OPCML: variants seen among roughly 807,000 people sequenced by gnomAD.
OPCML encodes the protein opioid-binding protein/cell adhesion molecule.
OPCML carries 13 observed loss-of-function variants against 37.8 expected under a neutral mutation model. That is an observed-to-expected ratio of 0.34 (90% confidence interval 0.22 to 0.55). The LOEUF (loss-of-function observed/expected upper bound fraction) is 0.55. Ranked by LOEUF, OPCML falls within the 20% of genes least tolerant of loss-of-function variation. The probability of loss-of-function intolerance (pLI) is 0.91; values close to 1 mark genes in which losing one functional copy is unlikely to be tolerated. For synonymous variants in OPCML, 176 were observed against 168.8 expected (o/e 1.04, Z -0.33); for missense variants, 341 against 435.6 (o/e 0.78, Z 1.93).
Position 132,506,658 on chromosome 11 carries a change from G to C in OPCML, c.505+22403C>G, listed in dbSNP as rs138325306. ...GAGGAAGTGAGGAAACATTTACTCA[G>C]CTTGAATAATAAGACTCACACAGGC... is the stretch of plus-strand genomic sequence containing the variant. On this transcript the variant is annotated intron_variant, in intron 4 of 7. Transcript: ENST00000524381. 3.2e-3 allele frequency among the ~76,000 whole-genome samples: 490 copies of C among 152,194 alleles called. 5 individuals carry two copies. Among genetic ancestry groups the C allele is most frequent in the Admixed American group, 0.027 (407 of 15,272 alleles).
intron 2 of OPCML, among the ~76,000 whole-genome samples, chr11:132,717,997 A>G (rs1944551003): frequency 6.6e-6 from 1 of 152,234 alleles, no homozygotes. Context: ...CACAGGGTGC[A>G]GGAAACCTCC....
chr11:132,952,405 C>A (rs1945879711), intron 1 of OPCML, among the ~76,000 whole-genome samples: 1 of 152,156 alleles, frequency 6.6e-6, no homozygotes, highest in Non-Finnish European at 1.5e-5. Context: ...AAACCAATCC[C>A]TATATGATAG....
chr11:133,134,665 C>T (rs1247522174), intron 1 of OPCML, among the ~76,000 whole-genome samples: 1 of 152,182 alleles, frequency 6.6e-6, no homozygotes, highest in Non-Finnish European at 1.5e-5. Context: ...CCGCTGTCTT[C>T]CTTGCTCCAA....
chr11:133,166,933 G>T (rs1318862797), intron 1 of OPCML, among the ~76,000 whole-genome samples: 1 of 152,122 alleles, frequency 6.6e-6, no homozygotes, highest in African/African-American at 2.4e-5. Context: ...TGTGATTAAT[G>T]GCAAATAGGC....
At position 132,561,753 on chromosome 11, in the gene OPCML, A is replaced by C. The variant is rs568397420; in HGVS notation, c.380-32567T>G. 5.0e-4 allele frequency among the ~76,000 whole-genome samples: 76 copies of C among 152,384 alleles called. 1 individual carries two copies. The highest frequency in any genetic ancestry group is 1.8e-3 in the African/African-American group (73 of 41,598). ...TACTTAGAAAGAGACATAACTGTTA[A>C]ACATCACTTGTAACTCAGTGGACAA... On this transcript the variant is annotated intron_variant, in intron 3 of 7. Transcript: ENST00000524381.
intron 2 of OPCML, among the ~76,000 whole-genome samples, chr11:132,705,996 C>G (rs2509075): frequency 0.086 from 13,121 of 151,824 alleles, 643 homozygotes; most frequent in Non-Finnish European, 0.11. Flanking sequence ...TTAGTAAAGA[C>G]GGGGTTTCAC....
chr11:132,975,828 T>C (rs1412353270), intron 1 of OPCML, among the ~76,000 whole-genome samples: 1 of 152,098 alleles, frequency 6.6e-6, no homozygotes, highest in African/African-American at 2.4e-5. Flanking sequence ...TGGAGTGCAG[T>C]GGTGTGATCT....
intron 2 of OPCML, among the ~76,000 whole-genome samples, chr11:132,754,826 TTGGAAATGAC>T (rs1415606426): frequency 6.6e-6 from 1 of 152,032 alleles, no homozygotes; most frequent in Non-Finnish European, 1.5e-5. Flanking sequence ...AGCAAAGACA[TTGGAAATGAC>T]TTGGCTAGTT....
intron 1 of OPCML, among the ~76,000 whole-genome samples, chr11:133,081,376 A>G (rs1032562889): frequency 6.6e-6 from 1 of 152,170 alleles, no homozygotes; most frequent in Non-Finnish European, 1.5e-5. Context: ...AGATTCCGCA[A>G]CTTAGGAACT....
chr11:133,360,223 A>G (rs760988587), intron 1 of OPCML: 18 of 152,284 alleles, frequency 1.2e-4, no homozygotes, highest in Admixed American at 2.0e-4. Context: ...AGAAGTTAGC[A>G]GAGCAGAGAT....
At chr11:133,401,417 A>G (rs188103653) in intron 1 of OPCML, among the ~76,000 whole-genome samples, 517 of 152,252 alleles carry the variant, frequency 3.4e-3, no homozygotes, top group Non-Finnish European at 6.0e-3. Context: ...CTTTTCTAAA[A>G]GGCCTGTGAA....
intron 3 of OPCML, among the ~76,000 whole-genome samples, chr11:132,577,330 G>C (rs577276185): frequency 6.6e-6 from 1 of 151,850 alleles, no homozygotes; most frequent in Non-Finnish European, 1.5e-5. Flanking sequence ...TTCTAGCCAC[G>C]GAAATTAAAG....
intron 1 of OPCML, among the ~76,000 whole-genome samples, chr11:133,519,105 C>T (rs889917154): frequency 6.6e-6 from 1 of 152,104 alleles, no homozygotes; most frequent in Admixed American, 6.5e-5. Flanking sequence ...TCATCTTCTG[C>T]CTCCGTCTCT....
chr11:133,511,837 C>G (rs906639566), intron 1 of OPCML, among the ~76,000 whole-genome samples: 1 of 152,030 alleles, frequency 6.6e-6, no homozygotes, highest in African/African-American at 2.4e-5. Flanking sequence ...AACTCTTAGT[C>G]TGTTTTATTT....
chr11:132,903,607 G>T (rs902069205), intron 2 of OPCML, among the ~76,000 whole-genome samples: 1 of 152,042 alleles, frequency 6.6e-6, no homozygotes, highest in African/African-American at 2.4e-5. Context: ...ACCAGCCTGG[G>T]CAACATAGTG....
At chr11:133,263,935 A>G (rs764825352) in intron 1 of OPCML, among the ~76,000 whole-genome samples, 6 of 152,214 alleles carry the variant, frequency 3.9e-5, no homozygotes, top group Admixed American at 2.6e-4. Flanking sequence ...GACAATTCCC[A>G]TTACACAGGC....
At chr11:132,582,013 A>G (rs1398381430) in intron 3 of OPCML, among the ~76,000 whole-genome samples, 1 of 151,996 alleles carries the variant, frequency 6.6e-6, no homozygotes. Flanking sequence ...TCAAATTACT[A>G]ATAAATCATC....
chr11:132,683,247 A>G (rs894395496), intron 2 of OPCML, among the ~76,000 whole-genome samples: 1 of 152,182 alleles, frequency 6.6e-6, no homozygotes, highest in African/African-American at 2.4e-5. Context: ...TAAAAATTAA[A>G]AAATTAATCA....
At chr11:133,262,709 G>T (rs916573695) in intron 1 of OPCML, among the ~76,000 whole-genome samples, 3 of 152,108 alleles carry the variant, frequency 2.0e-5, no homozygotes, top group Non-Finnish European at 4.4e-5. Flanking sequence ...GCTCTTTGAT[G>T]TACTTCCAGG....
Sources: allele counts gnomAD v4.1 joint callset (sites outside exome capture counted in the v4.1 genomes callset), GRCh38; gene constraint gnomAD v4.1.1; transcripts MANE v1.5; gene names NCBI Gene and HGNC (gene_info 2026-07-23, HGNC 2026-07-21).